The following CLOCK variants were observed in gnomAD, a reference collection of about 807,000 sequenced individuals.
CLOCK encodes clock circadian regulator.
A neutral mutation model predicts 118.4 loss-of-function variants in CLOCK; 43 were observed. The observed-to-expected ratio is 0.36, with a 90% CI of 0.28 to 0.47. The LOEUF is 0.47. Ranked by LOEUF, CLOCK falls within the 20% of genes least tolerant of loss-of-function variation. CLOCK has a pLI of 1.00. For synonymous variants in CLOCK, 326 were observed against 339.2 expected, an observed-to-expected ratio of 0.96 and a Z score of 0.43; for missense variants, 846 against 999.9, an observed-to-expected ratio of 0.85 and a Z score of 2.08.
At chr4:55,454,154 T>A (rs12651640) in intron 13 of CLOCK, among the ~76,000 whole-genome samples, 51,385 of 152,006 alleles carry the variant, frequency 0.34, 9,381 homozygotes, top group East Asian at 0.58. Context: ...CCCTGAGTTT[T>A]TTCTCCTAAC....
At chr4:55,497,497 G>C (rs1201762665) in intron 2 of CLOCK, among the ~76,000 whole-genome samples, 1 of 152,154 alleles carries the variant, frequency 6.6e-6, no homozygotes, top group East Asian at 1.9e-4. Context: ...GGACCAAAAA[G>C]TCTCTGTTTG....
intron 3 of CLOCK, among the ~76,000 whole-genome samples, chr4:55,487,265 T>C (rs1025782064): frequency 6.6e-6 from 1 of 152,196 alleles, no homozygotes; most frequent in African/African-American, 2.4e-5. Flanking sequence ...TAAGAGGTTT[T>C]TCCTCAGCTG....
At chr4:55,526,106 G>A (rs1224082064) in intron 1 of CLOCK, among the ~76,000 whole-genome samples, 2 of 152,026 alleles carry the variant, frequency 1.3e-5, no homozygotes, top group African/African-American at 4.8e-5. Context: ...GAAAAAATAC[G>A]AAATCCGAAA....
In CLOCK at chr4:55,443,679, A is replaced by C. The variant is rs1468526142; in HGVS notation, c.1902+8T>G. The C allele has an allele frequency of 6.2e-7, 1 of 1,609,934 alleles. No homozygotes were observed. Among genetic ancestry groups the C allele is most frequent in the South Asian group, 1.1e-5 (1 of 90,978 alleles). On this transcript the variant is annotated splice_region_variant and intron_variant, in intron 20 of 22. Coordinates refer to ENST00000513440, the MANE Select transcript of CLOCK (RefSeq NM_004898.4). ...CACTCCATAGCCCGCTGTGCTCAGT[A>C]ACATTACCTGAGTTGATGTACTCTG... is the stretch of plus-strand genomic sequence containing the variant.
chr4:55,431,707 CAGAAAG>C lies in CLOCK; in HGVS notation c.*3702_*3707del, dbSNP rs1249383629. ...AACAAACTTTCAATTACCAAAGAAA[CAGAAAG>C]AAAAAAGCAGAAATACTAAAGTAAA... On this transcript the variant is annotated 3_prime_UTR_variant, in exon 23 of 23. Transcript: ENST00000513440. 3 of 151,926 alleles carry C rather than the reference CAGAAAG, an allele frequency of 2.0e-5. No homozygotes were observed. Among genetic ancestry groups the C allele is most frequent in the Admixed American group, 6.5e-5 (1 of 15,272 alleles). The allele number at this position is 151,926 out of a possible 1,614,324, so 9.4% of individuals were successfully genotyped here. A position where few individuals can be genotyped will look rare whatever the true frequency, so the allele number is the denominator to read the frequency against.
chr4:55,447,886 T>C (rs1166357383), intron 18 of CLOCK, among the ~76,000 whole-genome samples: 1 of 152,108 alleles, frequency 6.6e-6, no homozygotes, highest in Non-Finnish European at 1.5e-5. Flanking sequence ...AAATACTACT[T>C]CTCCATAGTA....
intron 3 of CLOCK, among the ~76,000 whole-genome samples, chr4:55,484,041 G>A (rs1727121195): frequency 6.6e-6 from 1 of 152,132 alleles, no homozygotes; most frequent in African/African-American, 2.4e-5. Context: ...GAAGATTAAA[G>A]ATATTACAAG....
At chr4:55,494,844 C>A (rs899189196) in intron 2 of CLOCK, among the ~76,000 whole-genome samples, 8 of 152,170 alleles carry the variant, frequency 5.3e-5, no homozygotes, top group African/African-American at 1.9e-4. Flanking sequence ...CCTGAAGCCT[C>A]CAGAGAGAAA....
intron 2 of CLOCK, among the ~76,000 whole-genome samples, chr4:55,507,449 C>G (rs887280172): frequency 1.3e-5 from 2 of 151,798 alleles, no homozygotes; most frequent in Non-Finnish European, 2.9e-5. Context: ...CCCATCTCTA[C>G]TAAAAATACA....
chr4:55,428,356 A>G lies in CLOCK; in HGVS notation c.*7059T>C, dbSNP rs1413774831. On this transcript the variant is annotated 3_prime_UTR_variant, in exon 23 of 23. Transcript: ENST00000513440. ...AAAATGGCAATATTAAATCGGTAAC[A>G]AAACGATCCACATTTTATACAATAT... is the stretch of plus-strand genomic sequence containing the variant. The G allele has an allele frequency of 6.6e-6, 1 of 152,214 alleles. No homozygotes were observed. Among genetic ancestry groups the G allele is most frequent in the African/African-American group, 2.4e-5 (1 of 41,474 alleles). 9.4% of individuals were successfully genotyped at this position (152,214 alleles called of 1,614,324 possible). A position where few individuals can be genotyped will look rare whatever the true frequency, so the allele number is the denominator to read the frequency against.
intron 18 of CLOCK, 104 bp downstream of exon 18, chr4:55,448,675 C>G: frequency 1.3e-6 from 1 of 743,586 alleles, no homozygotes; most frequent in East Asian, 3.3e-5. Context: ...GTAGCTGTGG[C>G]TACAGGTGCT....
intron 1 of CLOCK, among the ~76,000 whole-genome samples, chr4:55,542,319 G>C (rs13106406): frequency 0.34 from 50,014 of 147,380 alleles, 9,206 homozygotes; most frequent in East Asian, 0.58. Context: ...ACTCCAGCCC[G>C]GGTGACAGAG....
intron 6 of CLOCK, among the ~76,000 whole-genome samples, chr4:55,478,430 A>G (rs1290518378): frequency 6.6e-6 from 1 of 152,134 alleles, no homozygotes; most frequent in Non-Finnish European, 1.5e-5. Context: ...TTTGTGTGAC[A>G]TGCTGTCTTC....
At chr4:55,517,233 G>A (rs1283755931) in intron 1 of CLOCK, among the ~76,000 whole-genome samples, 3 of 152,106 alleles carry the variant, frequency 2.0e-5, no homozygotes, top group East Asian at 1.9e-4. Flanking sequence ...TCTTTTGGCC[G>A]GGCACGGTGG....
At chr4:55,455,397 A>G (rs1724850951) in intron 13 of CLOCK, among the ~76,000 whole-genome samples, 1 of 152,188 alleles carries the variant, frequency 6.6e-6, no homozygotes, top group South Asian at 2.1e-4. Context: ...GAGAATAATG[A>G]AGATAATAGA....
At chr4:55,450,048 T>G in intron 16 of CLOCK, 43 bp downstream of exon 16, 1 of 1,609,712 alleles carries the variant, frequency 6.2e-7, no homozygotes, top group Non-Finnish European at 8.5e-7. Flanking sequence ...AAAGTTTAGT[T>G]AGTTACTTTA....
intron 1 of CLOCK, among the ~76,000 whole-genome samples, chr4:55,538,244 A>C (rs1203448473): frequency 1.3e-5 from 2 of 152,062 alleles, no homozygotes; most frequent in Non-Finnish European, 2.9e-5. Context: ...CTTATCAGGC[A>C]TGTGAAGAGA....
chr4:55,456,112 A>G (rs1724906138), intron 12 of CLOCK, 106 bp downstream of exon 12: 16 of 1,311,102 alleles, frequency 1.2e-5, no homozygotes, highest in Non-Finnish European at 1.7e-5. Context: ...AAATGGGAAC[A>G]GGTTTCAAAG....
chr4:55,444,526 G>T, intron 19 of CLOCK, 107 bp downstream of exon 19: 1 of 1,321,884 alleles, frequency 7.6e-7, no homozygotes, highest in East Asian at 2.3e-5. Context: ...GAACTGAATT[G>T]ATAAAACGTA....
Sources: gnomAD v4.1 joint callset for allele counts (sites outside exome capture counted in the v4.1 genomes callset) on GRCh38, gnomAD v4.1.1 for gene constraint, MANE v1.5 for transcripts, NCBI Gene and HGNC (gene_info 2026-07-23, HGNC 2026-07-21) for gene names.